Variants in ERC1 observed in about 807,000 individuals in gnomAD.
ERC1 encodes RAB6 interacting protein 2.
In ERC1, 56 loss-of-function variants were observed where a neutral mutation model predicts 132.0. The ratio of observed to expected loss-of-function variants is 0.42; its 90% CI spans 0.34 to 0.53. ERC1 has a LOEUF of 0.53. ERC1 is among the 20% of genes least tolerant of loss of function. The pLI, the probability that ERC1 is intolerant of heterozygous loss-of-function variation, is 0.03. For synonymous variants in ERC1, 478 were observed against 476.1 expected, an observed-to-expected ratio of 1.00 and a Z score of -0.05; for missense variants, 1,202 against 1,349.9, an observed-to-expected ratio of 0.89 and a Z score of 1.72.
intron 16 of ERC1, among the ~76,000 whole-genome samples, chr12:1,397,513 C>T (rs1011551997): frequency 5.9e-5 from 9 of 152,020 alleles, no homozygotes; most frequent in Non-Finnish European, 1.5e-5. Flanking sequence ...TGATATGGAG[C>T]GATTCCCAGA....
chr12:1,447,794 C>T (rs1476297552), intron 18 of ERC1, among the ~76,000 whole-genome samples: 5 of 151,772 alleles, frequency 3.3e-5, no homozygotes, highest in Admixed American at 6.6e-5. Flanking sequence ...GAACTACAGG[C>T]GCGCGCCACC....
chr12:1,251,135 G>C (rs1040465312), intron 13 of ERC1, among the ~76,000 whole-genome samples: 4 of 151,978 alleles, frequency 2.6e-5, no homozygotes, highest in African/African-American at 4.8e-5. Flanking sequence ...TCCTTTCTGA[G>C]AATGAACACT....
At chr12:1,457,832 G>A (rs1009554346) in intron 18 of ERC1, among the ~76,000 whole-genome samples, 2 of 152,148 alleles carry the variant, frequency 1.3e-5, no homozygotes, top group Admixed American at 1.3e-4. Flanking sequence ...GGTTGAGGCT[G>A]CAGTGAGCCA....
intron 18 of ERC1, among the ~76,000 whole-genome samples, chr12:1,470,673 G>T (rs2093842822): frequency 6.6e-6 from 1 of 152,128 alleles, no homozygotes; most frequent in Admixed American, 6.5e-5. Flanking sequence ...AGATTTGTAA[G>T]AAATAATGTG....
intron 18 of ERC1, chr12:1,480,702 T>TGAA (rs34611964): frequency 0.36 from 220,603 of 607,190 alleles, 45,550 homozygotes; most frequent in African/African-American, 0.72. Context: ...GGGCCTGCCT[T>TGAA]GAGGAGGTGA....
chr12:1,360,051 C>T (rs940395437), intron 15 of ERC1, among the ~76,000 whole-genome samples: 3 of 151,986 alleles, frequency 2.0e-5, no homozygotes, highest in African/African-American at 7.3e-5. Context: ...ACCAAATGAG[C>T]AGACATTGTC....
chr12:1,012,951 C>T (rs997081370), intron 1 of ERC1, among the ~76,000 whole-genome samples: 1 of 152,098 alleles, frequency 6.6e-6, no homozygotes, highest in Non-Finnish European at 1.5e-5. Flanking sequence ...TCTGGTTTTA[C>T]TATCATATTA....
At chr12:1,277,091 T>G (rs2078327080) in intron 14 of ERC1, among the ~76,000 whole-genome samples, 1 of 152,218 alleles carries the variant, frequency 6.6e-6, no homozygotes, top group Non-Finnish European at 1.5e-5. Context: ...GAAATCATTA[T>G]TATCCCTGAC....
chr12:1,174,861 C>G (rs565395426), intron 8 of ERC1, among the ~76,000 whole-genome samples: 2 of 152,074 alleles, frequency 1.3e-5, no homozygotes, highest in African/African-American at 4.8e-5. Flanking sequence ...ATGACCTGCA[C>G]AGCTGGTTAA....
chr12:1,184,128 T>G (rs1331339050), intron 11 of ERC1, among the ~76,000 whole-genome samples: 23 of 127,830 alleles, frequency 1.8e-4, no homozygotes, highest in Non-Finnish European at 3.0e-4. Context: ...AGAGCAAGAC[T>G]CCATCTCACA....
At chr12:1,168,937 T>TATA (rs1015006247) in intron 8 of ERC1, among the ~76,000 whole-genome samples, 2 of 152,138 alleles carry the variant, frequency 1.3e-5, no homozygotes, top group Non-Finnish European at 2.9e-5. Context: ...TGAACTGAGA[T>TATA]ATAATATACA....
intron 8 of ERC1, among the ~76,000 whole-genome samples, chr12:1,180,285 G>A (rs1053355427): frequency 7.2e-5 from 9 of 124,964 alleles, no homozygotes; most frequent in South Asian, 2.3e-4. Context: ...GTGTGTGTGC[G>A]CGCACGCGTG....
chr12:1,267,659 G>A (rs1423979490), intron 14 of ERC1, among the ~76,000 whole-genome samples: 2 of 152,144 alleles, frequency 1.3e-5, no homozygotes, highest in Non-Finnish European at 2.9e-5. Flanking sequence ...CTACTTGAGG[G>A]ACTGAGGTGA....
At chr12:1,368,303 C>G (rs1196211234) in intron 15 of ERC1, among the ~76,000 whole-genome samples, 1 of 152,060 alleles carries the variant, frequency 6.6e-6, no homozygotes, top group Non-Finnish European at 1.5e-5. Context: ...AAAAGAATTA[C>G]TTCTGGTAAT....
At chr12:1,429,317 C>T (rs60295171) in intron 17 of ERC1, among the ~76,000 whole-genome samples, 4,771 of 152,230 alleles carry the variant, frequency 0.031, 238 homozygotes, top group African/African-American at 0.11. Context: ...GTCACATAAT[C>T]ATTTTGTTGT....
At chr12:997,801 G>A (rs774976346) in intron 1 of ERC1, among the ~76,000 whole-genome samples, 1 of 152,192 alleles carries the variant, frequency 6.6e-6, no homozygotes, top group Non-Finnish European at 1.5e-5. Context: ...TGGAGTGGAA[G>A]AGACTGAGTA....
At chr12:1,372,339 G>T (rs1201466446) in intron 16 of ERC1, among the ~76,000 whole-genome samples, 1 of 151,994 alleles carries the variant, frequency 6.6e-6, no homozygotes, top group Non-Finnish European at 1.5e-5. Context: ...ATATTTTCAT[G>T]AAAAGATTTC....
intron 1 of ERC1, among the ~76,000 whole-genome samples, chr12:1,002,297 C>T (rs12370704): frequency 0.42 from 63,113 of 148,946 alleles, 16,471 homozygotes; most frequent in East Asian, 0.79. Flanking sequence ...CCTCGGCCTC[C>T]CAAGTAACTG....
chr12:1,478,665 C>T (rs1262299118), intron 18 of ERC1, among the ~76,000 whole-genome samples: 1 of 152,072 alleles, frequency 6.6e-6, no homozygotes, highest in Admixed American at 6.5e-5. Flanking sequence ...TGGTGGCGAG[C>T]GCCTGTAGTC....
Sources: gnomAD v4.1 joint callset for allele counts (sites outside exome capture counted in the v4.1 genomes callset) on GRCh38, gnomAD v4.1.1 for gene constraint, MANE v1.5 for transcripts, NCBI Gene and HGNC (gene_info 2026-07-23, HGNC 2026-07-21) for gene names.